BTD: variants seen among roughly 807,000 people sequenced by gnomAD.
BTD encodes biocytinase.
In BTD, 13 loss-of-function variants were observed where a neutral mutation model predicts 17.7. The ratio of observed to expected loss-of-function variants is 0.74; its 90% CI spans 0.48 to 1.17. The LOEUF (loss-of-function observed/expected upper bound fraction) is 1.17, where lower values mean the gene tolerates loss of function less well. BTD is among the 50% of genes most tolerant of loss of function. BTD has a pLI of 0.00. For synonymous variants in BTD, 240 were observed against 245.2 expected, an observed-to-expected ratio of 0.98 and a Z score of 0.20; for missense variants, 674 against 650.4, an observed-to-expected ratio of 1.04 and a Z score of -0.39.
At chr3:15,602,189 C>T (rs2064281560) in intron 1 of BTD, 2 of 1,389,812 alleles carry the variant, frequency 1.4e-6, no homozygotes, top group African/African-American at 2.9e-5. Flanking sequence ...GATGTGTACC[C>T]CAGCAAGAGA....
At chr3:15,638,081 ATTG>A (rs2065399206) in intron 2 of BTD, among the ~76,000 whole-genome samples, 1 of 152,210 alleles carries the variant, frequency 6.6e-6, no homozygotes, top group South Asian at 2.1e-4. Flanking sequence ...GCTGGGGCCT[ATTG>A]TTCTCACATA....
intron 3 of BTD, chr3:15,685,421 C>T (rs770719343): frequency 1.9e-6 from 3 of 1,614,002 alleles, no homozygotes; most frequent in East Asian, 2.2e-5. Flanking sequence ...AATGCATCTA[C>T]ACATTCTTCA....
intron 1 of BTD, among the ~76,000 whole-genome samples, chr3:15,603,059 T>G (rs1479960369): frequency 6.6e-6 from 1 of 152,154 alleles, no homozygotes; most frequent in African/African-American, 2.4e-5. Context: ...TGAGACTTAC[T>G]ATCATTAGAA....
chr3:15,654,197 A>T (rs148518094), downstream of BTD, among the ~76,000 whole-genome samples: 1 of 152,366 alleles, frequency 6.6e-6, no homozygotes, highest in African/African-American at 2.4e-5. Flanking sequence ...GTAAAAGGCC[A>T]GTAAGGCAAC....
intron 1 of BTD, chr3:15,606,745 A>G (rs1009888912): frequency 9.2e-5 from 14 of 152,314 alleles, no homozygotes; most frequent in African/African-American, 3.4e-4. Context: ...GGGCTTGATG[A>G]TTCAGCAGAA....
chr3:15,638,758 C>T (rs548951520), intron 2 of BTD, among the ~76,000 whole-genome samples: 6 of 152,322 alleles, frequency 3.9e-5, no homozygotes, highest in East Asian at 1.9e-4. Flanking sequence ...CTACATGGTA[C>T]GGCCTACTAT....
In BTD at chr3:15,647,839, G is replaced by A. The variant is rs991281479; in HGVS notation, c.*2351G>A. ...GCTTTTCTGTGGTTTTTCTCACACG[G>A]GAAGTGAGAGGCACAGTGAGCTGTA... On this transcript the variant is annotated 3_prime_UTR_variant, in exon 4 of 4. Transcript: ENST00000643237. 6.6e-6 allele frequency among the ~76,000 whole-genome samples: 1 copy of A among 152,152 alleles called. No homozygotes were observed. The highest frequency in any genetic ancestry group is 1.5e-5 in the Non-Finnish European group (1 of 68,030).
rs1361950614 is a variant in BTD at position 15,653,496 on chromosome 3, T to C, written c.*8008T>C. Among the ~76,000 whole-genome samples the C allele has an allele frequency of 6.6e-6, 1 of 152,358 alleles. No individual in the cohort carries two copies. Among genetic ancestry groups the C allele is most frequent in the African/African-American group, 2.4e-5 (1 of 41,588 alleles). On this transcript the variant is annotated 3_prime_UTR_variant, in exon 4 of 4. Transcript: ENST00000643237. Reference sequence around the variant, plus strand: ...TGTTTCAACGTCGCCAACCCAGAAATGTTTTCTCTCCCTGTCATGCTAATT... The same window carrying C: ...TGTTTCAACGTCGCCAACCCAGAAACGTTTTCTCTCCCTGTCATGCTAATT...
chr3:15,677,402 A>C, intron 3 of BTD: 1 of 1,070,146 alleles, frequency 9.3e-7, no homozygotes, highest in South Asian at 1.4e-5. Context: ...TGAGTTGTTC[A>C]TTTTAGTGAA....
chr3:15,616,829 T>G (rs1475809389), intron 1 of BTD, among the ~76,000 whole-genome samples: 3 of 152,232 alleles, frequency 2.0e-5, no homozygotes, highest in South Asian at 4.1e-4. Context: ...CTTTTGCTTA[T>G]TTTATTTTAT....
At chr3:15,711,792 T>G (rs555462607) in exon 4 of BTD, among the ~76,000 whole-genome samples, 1 of 151,998 alleles carries the variant, frequency 6.6e-6, no homozygotes, top group African/African-American at 2.4e-5. Context: ...GTTCAAGCGA[T>G]TCTCCTGCCT....
At chr3:15,708,306 T>G (rs1026825893) in intron 3 of BTD, among the ~76,000 whole-genome samples, 2 of 152,184 alleles carry the variant, frequency 1.3e-5, no homozygotes, top group African/African-American at 2.4e-5. Context: ...CTCCAGGCAG[T>G]AGCAGCAATC....
At chr3:15,601,641 G>T, upstream of BTD, 3 of 1,553,834 alleles carry the variant, frequency 1.9e-6, no homozygotes, top group Non-Finnish European at 2.6e-6. Flanking sequence ...TCCACTTCCC[G>T]GGAGAGGTGA....
intron 1 of BTD, among the ~76,000 whole-genome samples, chr3:15,605,469 C>A (rs2064420229): frequency 6.6e-6 from 1 of 152,140 alleles, no homozygotes; most frequent in Admixed American, 6.5e-5. Context: ...GGGGACATAA[C>A]CAAACCATAT....
At chr3:15,698,951 G>T (rs2455817) in intron 3 of BTD, among the ~76,000 whole-genome samples, 74,037 of 151,984 alleles carry the variant, frequency 0.49, 20,048 homozygotes, top group Non-Finnish European at 0.6. Context: ...TAAGCCAAAA[G>T]AACAAAGCTG....
chr3:15,628,271 A>T (rs2065115618), intron 1 of BTD, among the ~76,000 whole-genome samples: 1 of 152,268 alleles, frequency 6.6e-6, no homozygotes, highest in African/African-American at 2.4e-5. Context: ...TGTATCCATC[A>T]TACAGTTATG....
rs886058116 is a variant in BTD, at chr3:15,645,030, C to G, written c.1114C>G (p.Pro372Ala). The G allele has an allele frequency of 5.6e-6, 9 of 1,614,182 alleles. No individual in the cohort carries two copies. The highest frequency in any genetic ancestry group is 7.6e-6 in the Non-Finnish European group (9 of 1,180,028). ...EATKWNVNAP[P>A]TFHSEMMYDN... ...CACCAAGTGGAACGTGAATGCTCCT[C>G]CCACATTTCACTCTGAGATGATGTA... Residue 372 changes from proline to alanine, a missense_variant, in exon 4 of 4, where the codon CCC becomes GCC. By Grantham distance (27) the Pro-to-Ala change is conservative. Coordinates refer to ENST00000643237, the MANE Select transcript of BTD (RefSeq NM_001370658.1).
Position 15,647,588 on chromosome 3 carries a change from A to G in BTD, c.*2100A>G, listed in dbSNP as rs1238231894. Reference sequence around the variant, plus strand: ...TACAATTAAAAGAAGTAGCTGCCAGATGACAGAACAAAGTAGAGGACGGGA... The same window carrying G: ...TACAATTAAAAGAAGTAGCTGCCAGGTGACAGAACAAAGTAGAGGACGGGA... On this transcript the variant is annotated 3_prime_UTR_variant, in exon 4 of 4. Coordinates refer to ENST00000643237, the MANE Select transcript of BTD (RefSeq NM_001370658.1). 1.3e-5 allele frequency: 2 copies of G among 152,258 alleles called. No homozygotes were observed. The highest frequency in any genetic ancestry group is 3.8e-4 in the East Asian group (2 of 5,198). 9.4% of individuals were successfully genotyped at this position (152,258 alleles called of 1,614,324 possible).
At chr3:15,702,899 A>G (rs56914352) in intron 3 of BTD, among the ~76,000 whole-genome samples, 26,266 of 151,838 alleles carry the variant, frequency 0.17, 3,457 homozygotes, top group East Asian at 0.56. Context: ...GATACGTCAG[A>G]ACTGTTCCAA....
Sources: gnomAD v4.1 joint callset for allele counts (sites outside exome capture counted in the v4.1 genomes callset) on GRCh38, gnomAD v4.1.1 for gene constraint, MANE v1.5 for transcripts, NCBI Gene and HGNC (gene_info 2026-07-23, HGNC 2026-07-21) for gene names.